IMMP2L: variants seen among roughly 807,000 people sequenced by gnomAD.
IMMP2L encodes inner mitochondrial membrane peptidase subunit 2.
Under a neutral mutation model 19.3 loss-of-function variants are expected in IMMP2L, and 18 were observed. That is an observed-to-expected ratio of 0.93 (90% CI 0.64 to 1.38). The LOEUF (loss-of-function observed/expected upper bound fraction) is 1.38. Ranked by LOEUF, IMMP2L falls within the 40% of genes most tolerant of loss-of-function variation. The pLI, the probability that IMMP2L is intolerant of heterozygous loss-of-function variation, is 0.00. For missense variants in IMMP2L, 233 were observed against 218.2 expected (o/e 1.07, Z -0.43); for synonymous variants, 76 against 73.0 (o/e 1.04, Z -0.21).
chr7:110,917,771 A>G (rs1035972053), intron 4 of IMMP2L, among the ~76,000 whole-genome samples: 4 of 152,214 alleles, frequency 2.6e-5, no homozygotes, highest in African/African-American at 9.6e-5. Context: ...ATCTACTCAA[A>G]AATAAATTAC....
intron 3 of IMMP2L, among the ~76,000 whole-genome samples, chr7:111,120,702 A>T (rs1800492522): frequency 6.6e-6 from 1 of 152,248 alleles, no homozygotes; most frequent in African/African-American, 2.4e-5. Context: ...GTTAAACTTA[A>T]TCTTCTCTGA....
chr7:111,237,393 C>A (rs1436442995), intron 3 of IMMP2L, among the ~76,000 whole-genome samples: 1 of 151,910 alleles, frequency 6.6e-6, no homozygotes, highest in Non-Finnish European at 1.5e-5. Flanking sequence ...GCCATATTCA[C>A]ATGTATTTTA....
intron 4 of IMMP2L, among the ~76,000 whole-genome samples, chr7:110,961,561 T>C (rs537554121): frequency 1.3e-4 from 19 of 151,490 alleles, no homozygotes; most frequent in African/African-American, 4.4e-4. Flanking sequence ...GTATACCCGA[T>C]AGAAATGAGA....
At chr7:111,015,477 T>C (rs1825403073) in intron 3 of IMMP2L, among the ~76,000 whole-genome samples, 1 of 152,146 alleles carries the variant, frequency 6.6e-6, no homozygotes, top group Non-Finnish European at 1.5e-5. Flanking sequence ...TCTGCAGACC[T>C]GTTTTAAAAC....
At chr7:111,309,161 T>G (rs1019212712) in intron 3 of IMMP2L, among the ~76,000 whole-genome samples, 1 of 152,110 alleles carries the variant, frequency 6.6e-6, no homozygotes, top group African/African-American at 2.4e-5. Flanking sequence ...TAAGAAGACA[T>G]TATTTCACAG....
chr7:110,744,435 C>T (rs1302358297), intron 5 of IMMP2L, among the ~76,000 whole-genome samples: 1 of 152,192 alleles, frequency 6.6e-6, no homozygotes, highest in East Asian at 1.9e-4. Context: ...GTCCCTGACC[C>T]CTGTGTATCC....
At chr7:111,187,461 A>C (rs931492502) in intron 3 of IMMP2L, among the ~76,000 whole-genome samples, 1 of 152,050 alleles carries the variant, frequency 6.6e-6, no homozygotes, top group African/African-American at 2.4e-5. Context: ...AGCCAATTGC[A>C]CTCTTATATT....
intron 3 of IMMP2L, among the ~76,000 whole-genome samples, chr7:111,175,103 C>A (rs1009008134): frequency 5.9e-5 from 9 of 151,730 alleles, no homozygotes; most frequent in African/African-American, 2.2e-4. Context: ...TTTTCAGAGT[C>A]CTCGTTGCAT....
intron 3 of IMMP2L, among the ~76,000 whole-genome samples, chr7:111,264,219 G>C (rs1817608388): frequency 2.0e-5 from 3 of 152,118 alleles, no homozygotes; most frequent in Admixed American, 2.0e-4. Context: ...TTTTTAACCT[G>C]TCTCTTCTTA....
intron 3 of IMMP2L, among the ~76,000 whole-genome samples, chr7:111,346,055 C>G (rs1329711134): frequency 6.6e-6 from 1 of 152,124 alleles, no homozygotes; most frequent in African/African-American, 2.4e-5. Flanking sequence ...TTTCAATTAC[C>G]TAACCACTCT....
intron 4 of IMMP2L, among the ~76,000 whole-genome samples, chr7:110,940,932 A>G (rs551278485): frequency 2.8e-4 from 43 of 152,288 alleles, no homozygotes; most frequent in African/African-American, 9.9e-4. Flanking sequence ...TTGCTTGCTG[A>G]TAGTGTGCTG....
At chr7:111,292,310 C>T (rs1313002062) in intron 3 of IMMP2L, among the ~76,000 whole-genome samples, 2 of 152,068 alleles carry the variant, frequency 1.3e-5, no homozygotes, top group Non-Finnish European at 2.9e-5. Flanking sequence ...CCAAATTCTA[C>T]ATAATAAAAT....
At chr7:110,693,936 C>A (rs1429795090) in intron 5 of IMMP2L, among the ~76,000 whole-genome samples, 1 of 152,020 alleles carries the variant, frequency 6.6e-6, no homozygotes, top group Non-Finnish European at 1.5e-5. Flanking sequence ...AAGTGGGAGG[C>A]CATGTGTTGG....
chr7:111,318,894 C>T (rs1343267593), intron 3 of IMMP2L, among the ~76,000 whole-genome samples: 1 of 152,060 alleles, frequency 6.6e-6, no homozygotes, highest in Non-Finnish European at 1.5e-5. Flanking sequence ...GACCATTAGC[C>T]AGACTTTGCT....
intron 2 of IMMP2L, among the ~76,000 whole-genome samples, chr7:111,487,778 A>G (rs936220034): frequency 6.6e-6 from 1 of 152,136 alleles, no homozygotes; most frequent in African/African-American, 2.4e-5. Context: ...AAATCTTCAC[A>G]GTCATATGAA....
intron 3 of IMMP2L, among the ~76,000 whole-genome samples, chr7:111,235,201 G>A (rs548201034): frequency 1.3e-5 from 2 of 152,000 alleles, no homozygotes; most frequent in East Asian, 1.9e-4. Context: ...GCCTTGGACA[G>A]TGGCTCACGC....
At chr7:111,360,330 G>A (rs113157758) in intron 3 of IMMP2L, among the ~76,000 whole-genome samples, 29 of 152,060 alleles carry the variant, frequency 1.9e-4, no homozygotes, top group Non-Finnish European at 3.5e-4. Flanking sequence ...CTCTGAAGAC[G>A]CCACTCTGAT....
chr7:111,266,571 G>A (rs1481310671), intron 3 of IMMP2L, among the ~76,000 whole-genome samples: 1 of 150,130 alleles, frequency 6.7e-6, no homozygotes, highest in Non-Finnish European at 1.5e-5. Flanking sequence ...AAGGGATCTA[G>A]GTTCTATCTC....
At chr7:111,255,593 C>A (rs1253506054) in intron 3 of IMMP2L, among the ~76,000 whole-genome samples, 2 of 151,792 alleles carry the variant, frequency 1.3e-5, no homozygotes, top group Admixed American at 6.6e-5. Context: ...TCATTTTACC[C>A]TAATAAAATC....
Sources: gnomAD v4.1 joint callset for allele counts (sites outside exome capture counted in the v4.1 genomes callset) on GRCh38, gnomAD v4.1.1 for gene constraint, MANE v1.5 for transcripts, NCBI Gene and HGNC (gene_info 2026-07-23, HGNC 2026-07-21) for gene names.